Variants in TXNDC11 observed in about 807,000 individuals in gnomAD.
TXNDC11 encodes thioredoxin domain-containing protein 11.
TXNDC11 carries 68 observed loss-of-function variants against 78.0 expected under a neutral mutation model. The observed-to-expected ratio is 0.87, with a 90% CI of 0.72 to 1.07. The LOEUF (loss-of-function observed/expected upper bound fraction) is 1.07. Ranked by LOEUF, TXNDC11 falls within the 50% of genes least tolerant of loss-of-function variation. The probability of loss-of-function intolerance (pLI) is 0.00; values close to 1 mark genes in which losing one functional copy is unlikely to be tolerated. For missense variants in TXNDC11, 1,389 were observed against 1,221.8 expected (o/e 1.14, Z -2.04); for synonymous variants, 571 against 495.2 (o/e 1.15, Z -2.03).
intron 11 of TXNDC11, among the ~76,000 whole-genome samples, chr16:11,681,452 C>T (rs1311752359): frequency 6.6e-6 from 1 of 152,232 alleles, no homozygotes; most frequent in Non-Finnish European, 1.5e-5. Context: ...CTAATGGGCA[C>T]ACTAAAATAC....
intron 5 of TXNDC11, among the ~76,000 whole-genome samples, chr16:11,719,581 AAAG>A (rs2051642377): frequency 6.6e-6 from 1 of 152,234 alleles, no homozygotes; most frequent in African/African-American, 2.4e-5. Flanking sequence ...AAAAATAATA[AAAG>A]AATAGTTACA....
At position 11,687,835 on chromosome 16, in the gene TXNDC11, G is replaced by A. The variant is rs113576272; in HGVS notation, c.2153+22C>T. The A allele has an allele frequency of 7.2e-3, 11,041 of 1,526,812 alleles. 723 individuals carry two copies. The African/African-American group carries it at 0.13, about 18-fold the overall frequency. 94.6% of individuals were successfully genotyped at this position (1,526,812 alleles called of 1,614,324 possible). On this transcript the variant is annotated intron_variant, in intron 10 of 11. Transcript: ENST00000283033. ...TGAAAATGGGCATACAGCCCAAAGC[G>A]CTGCAGAAGAGGCCTGCTTACCTTG...
chr16:11,741,009 G>T (rs892558561), intron 1 of TXNDC11, among the ~76,000 whole-genome samples: 3 of 113,946 alleles, frequency 2.6e-5, no homozygotes, highest in African/African-American at 9.7e-5. Flanking sequence ...GTATCTAGTG[G>T]GTAGAGGCCG....
chr16:11,714,639 CA>C (rs200245176), intron 5 of TXNDC11, among the ~76,000 whole-genome samples: 270 of 137,844 alleles, frequency 2.0e-3, no homozygotes, highest in Non-Finnish European at 2.3e-3. Flanking sequence ...GACTCCGTCT[CA>C]AAAAAAAAAA....
intron 6 of TXNDC11, among the ~76,000 whole-genome samples, chr16:11,698,884 T>C (rs2050932180): frequency 6.6e-6 from 1 of 152,216 alleles, no homozygotes. Flanking sequence ...CAATCAAAAA[T>C]GACCTAAACT....
At chr16:11,685,693 A>C (rs555571009) in intron 10 of TXNDC11, among the ~76,000 whole-genome samples, 3 of 152,272 alleles carry the variant, frequency 2.0e-5, no homozygotes, top group Non-Finnish European at 4.4e-5. Flanking sequence ...AACAAAAGGC[A>C]TAACCAAATG....
chr16:11,737,061 G>C (rs1361360083), intron 1 of TXNDC11, among the ~76,000 whole-genome samples: 1 of 152,062 alleles, frequency 6.6e-6, no homozygotes, highest in African/African-American at 2.4e-5. Flanking sequence ...GCTTTGCTAA[G>C]AAACAAATGA....
intron 5 of TXNDC11, among the ~76,000 whole-genome samples, chr16:11,714,702 G>A (rs1033393988): frequency 6.6e-6 from 1 of 152,112 alleles, no homozygotes; most frequent in Non-Finnish European, 1.5e-5. Flanking sequence ...TTCGCTTGGA[G>A]GAGGGCACTT....
intron 5 of TXNDC11, among the ~76,000 whole-genome samples, chr16:11,714,381 C>G (rs571839691): frequency 1.3e-5 from 2 of 152,302 alleles, no homozygotes; most frequent in South Asian, 4.1e-4. Flanking sequence ...TGGCTCACGC[C>G]TGTAACTCCA....
At chr16:11,697,262 C>T (rs73517669) in intron 7 of TXNDC11, among the ~76,000 whole-genome samples, 12,716 of 152,204 alleles carry the variant, frequency 0.084, 1,171 homozygotes, top group African/African-American at 0.22. Context: ...AGAAGTCCTG[C>T]CTCCCTGTCC....
intron 8 of TXNDC11, among the ~76,000 whole-genome samples, chr16:11,690,288 T>C (rs569335063): frequency 7.2e-5 from 11 of 152,224 alleles, no homozygotes; most frequent in South Asian, 2.1e-4. Context: ...GTCAGCCCAA[T>C]GTTGCTGCCA....
intron 1 of TXNDC11, among the ~76,000 whole-genome samples, chr16:11,738,574 G>A (rs770232758): frequency 1.3e-4 from 20 of 152,078 alleles, no homozygotes; most frequent in Non-Finnish European, 2.5e-4. Flanking sequence ...CTCTGATGGA[G>A]TGGTGGCTTG....
At chr16:11,726,303 C>G (rs938852828) in intron 4 of TXNDC11, among the ~76,000 whole-genome samples, 1 of 152,134 alleles carries the variant, frequency 6.6e-6, no homozygotes, top group African/African-American at 2.4e-5. Context: ...CACTCTTCGG[C>G]CGTGTGCGGT....
chr16:11,679,613 G>A lies in TXNDC11; in HGVS notation c.2459C>T (p.Ala820Val), dbSNP rs956929147. The A allele has an allele frequency of 1.2e-6, 2 of 1,614,022 alleles. No individual in the cohort carries two copies. Among genetic ancestry groups the A allele is most frequent in the Non-Finnish European group, 1.7e-6 (2 of 1,180,034 alleles). The change falls in exon 12 of 12, where the codon GCA becomes GTA. Residue 820 changes from alanine (A) to valine (V), a missense_variant. Coordinates refer to ENST00000283033, the MANE Select transcript of TXNDC11 (RefSeq NM_015914.7). The surrounding 1 kb of genome is among the most constrained non-coding windows in gnomAD (Gnocchi z 4.6). Reference sequence around the variant, plus strand: ...GAGCTGGGACTCCACCTGCACTTGTGCTCGCTGGAGGCTGCTTATTTCTGC... The same window carrying A: ...GAGCTGGGACTCCACCTGCACTTGTACTCGCTGGAGGCTGCTTATTTCTGC... Reference protein sequence around the residue: ...LRAEISSLQRAQVQVESQLSS... With the variant: ...LRAEISSLQRVQVQVESQLSS...
At chr16:11,730,597 C>A in intron 4 of TXNDC11, 48 bp downstream of exon 4, 1 of 1,589,684 alleles carries the variant, frequency 6.3e-7, no homozygotes, top group Non-Finnish European at 8.6e-7. Context: ...CCAATACAAC[C>A]CCGTGAAAGG....
intron 1 of TXNDC11, among the ~76,000 whole-genome samples, chr16:11,736,781 A>G (rs2141124326): frequency 6.6e-6 from 1 of 152,386 alleles, no homozygotes; most frequent in African/African-American, 2.4e-5. Context: ...CTCCAGATAT[A>G]TATCATAATC....
intron 5 of TXNDC11, among the ~76,000 whole-genome samples, chr16:11,702,425 TG>T (rs1048581182): frequency 6.6e-6 from 1 of 152,192 alleles, no homozygotes; most frequent in African/African-American, 2.4e-5. Context: ...CCTAGCACTT[TG>T]GGAGGCCGAG....
chr16:11,687,411 C>T (rs1225205685), intron 10 of TXNDC11, among the ~76,000 whole-genome samples: 2 of 152,232 alleles, frequency 1.3e-5, no homozygotes, highest in African/African-American at 4.8e-5. Context: ...AGCGCACATA[C>T]AGTACCCATG....
chr16:11,687,173 C>G (rs1049861365), intron 10 of TXNDC11, among the ~76,000 whole-genome samples: 1 of 152,176 alleles, frequency 6.6e-6, no homozygotes, highest in Non-Finnish European at 1.5e-5. Context: ...ATTTTTCCAA[C>G]TGCTTCCACT....
Sources: allele counts gnomAD v4.1 joint callset (sites outside exome capture counted in the v4.1 genomes callset), GRCh38; gene constraint gnomAD v4.1.1; non-coding constraint Gnocchi (gnomAD v3.1); transcripts MANE v1.5; gene names NCBI Gene and HGNC (gene_info 2026-07-23, HGNC 2026-07-21).